NMNAT3: variants seen among roughly 807,000 people sequenced by gnomAD.
NMNAT3 encodes nicotinamide/nicotinic acid mononucleotide adenylyltransferase 3.
NMNAT3 carries 21 observed loss-of-function variants against 24.8 expected under a neutral mutation model. The ratio of observed to expected loss-of-function variants is 0.85; its 90% CI spans 0.60 to 1.22. NMNAT3 has a LOEUF of 1.22. Ranked by LOEUF, NMNAT3 falls within the 50% of genes most tolerant of loss-of-function variation. NMNAT3 has a pLI of 0.00. For missense variants in NMNAT3, 387 were observed against 436.6 expected (o/e 0.89, Z 1.01); for synonymous variants, 136 against 155.2 (o/e 0.88, Z 0.92).
intron 1 of NMNAT3, among the ~76,000 whole-genome samples, chr3:139,666,777 T>C (rs2057597287): frequency 6.6e-6 from 1 of 152,178 alleles, no homozygotes; most frequent in African/African-American, 2.4e-5. Flanking sequence ...GTTATGATCA[T>C]TCTACTCAAC....
intron 1 of NMNAT3, among the ~76,000 whole-genome samples, chr3:139,670,394 T>C (rs994052052): frequency 6.6e-6 from 1 of 152,212 alleles, no homozygotes; most frequent in African/African-American, 2.4e-5. Context: ...CTGCGCTGGC[T>C]CTGGAGATCC....
chr3:139,609,373 T>G (rs556027768), intron 3 of NMNAT3, among the ~76,000 whole-genome samples: 2 of 152,332 alleles, frequency 1.3e-5, no homozygotes, highest in South Asian at 2.1e-4. Flanking sequence ...GAGGTGCAGT[T>G]TCTCGGCATT....
chr3:139,642,966 C>T (rs1457964547), intron 1 of NMNAT3, among the ~76,000 whole-genome samples: 3 of 152,074 alleles, frequency 2.0e-5, no homozygotes, highest in Non-Finnish European at 2.9e-5. Context: ...TTAAATTTTG[C>T]CCCCCAACAC....
At chr3:139,613,798 T>G (rs914930010) in intron 3 of NMNAT3, among the ~76,000 whole-genome samples, 2 of 152,000 alleles carry the variant, frequency 1.3e-5, no homozygotes, top group African/African-American at 4.8e-5. Flanking sequence ...TGGAATACTA[T>G]GCAGCCATAA....
At position 139,660,778 on chromosome 3, in the gene NMNAT3, C is replaced by T. The variant is rs529277736; in HGVS notation, c.-141+16927G>A. Among the ~76,000 whole-genome samples the T allele has an allele frequency of 4.6e-5, 7 of 152,224 alleles. No individual in the cohort carries two copies. In the East Asian group the frequency reaches 5.8e-4, roughly 13 times the overall value. ...CACTCCAAGGGCTGCTCCTTTTCACCGGCTGGCTATTTTGATAAGGAAAAA... is the reference window on the plus strand; with the variant it reads ...CACTCCAAGGGCTGCTCCTTTTCACTGGCTGGCTATTTTGATAAGGAAAAA... On this transcript the variant is annotated intron_variant, in intron 1 of 6. Transcript: ENST00000643695.
At chr3:139,673,650 T>C (rs2057829982) in intron 1 of NMNAT3, among the ~76,000 whole-genome samples, 1 of 152,082 alleles carries the variant, frequency 6.6e-6, no homozygotes, top group African/African-American at 2.4e-5. Flanking sequence ...GCTATGTGTG[T>C]ATGTGCTTAA....
intron 1 of NMNAT3, among the ~76,000 whole-genome samples, chr3:139,666,750 A>G (rs1441825368): frequency 6.6e-6 from 1 of 151,772 alleles, no homozygotes; most frequent in Non-Finnish European, 1.5e-5. Flanking sequence ...CCCCTCCCCA[A>G]CCCTTGCTAC....
In NMNAT3 at chr3:139,561,377, T is replaced by C; in HGVS notation, c.674A>G (p.Lys225Arg). Residue 225 changes from lysine (K) to arginine (R), a missense_variant, in exon 7 of 7, where the codon AAG becomes AGG. Physicochemically the swap from Lys to Arg is conservative, Grantham distance 26. This residue lies in a region of NMNAT3 where 323 missense variants were observed against 345.2 expected (regional missense o/e 0.94). Coordinates refer to ENST00000643695, the MANE Select transcript of NMNAT3 (RefSeq NM_001320510.2). ...CAAGACGTCTGCCCCACAGAGAAGC[T>C]TCAGCTCAGGCACAGCTGCAAAAAC... 1.9e-6 allele frequency: 3 copies of C among 1,613,150 alleles called. No homozygotes were observed. Among genetic ancestry groups the C allele is most frequent in the Non-Finnish European group, 2.5e-6 (3 of 1,179,342 alleles).
chr3:139,608,881 C>T (rs1250201247), intron 3 of NMNAT3, among the ~76,000 whole-genome samples: 1 of 152,192 alleles, frequency 6.6e-6, no homozygotes. Flanking sequence ...TATAACCACA[C>T]CCACTTCTCT....
chr3:139,595,946 C>T (rs9821543), intron 3 of NMNAT3, among the ~76,000 whole-genome samples: 21,033 of 152,168 alleles, frequency 0.14, 1,896 homozygotes, highest in Non-Finnish European at 0.21. Context: ...GCAACAAAAG[C>T]CAAAATTGAC....
At position 139,560,873 on chromosome 3, in the gene NMNAT3, C is replaced by G. The variant is rs182018958; in HGVS notation, c.*137G>C. Reference sequence around the variant, plus strand: ...GTATCTCTTCCTGGGACAGAAGACTCCTCAGAAGTAGAATCACTGTAGAAA... The same window carrying G: ...GTATCTCTTCCTGGGACAGAAGACTGCTCAGAAGTAGAATCACTGTAGAAA... On this transcript the variant is annotated 3_prime_UTR_variant, in exon 7 of 7. Coordinates refer to ENST00000643695, the MANE Select transcript of NMNAT3 (RefSeq NM_001320510.2). The G allele has an allele frequency of 7.2e-6, 6 of 827,922 alleles. No individual in the cohort carries two copies. Among genetic ancestry groups the G allele is most frequent in the Admixed American group, 2.5e-5 (1 of 40,520 alleles). 51.3% of individuals were successfully genotyped at this position (827,922 alleles called of 1,614,324 possible). A position where few individuals can be genotyped will look rare whatever the true frequency, so the allele number is the denominator to read the frequency against.
intron 3 of NMNAT3, among the ~76,000 whole-genome samples, chr3:139,619,239 G>A (rs1272233967): frequency 6.6e-6 from 1 of 152,148 alleles, no homozygotes; most frequent in Admixed American, 6.5e-5. Flanking sequence ...TCTGTGGAAT[G>A]TTGAAAGGTG....
chr3:139,580,035 G>T (rs1939933302), intron 4 of NMNAT3, among the ~76,000 whole-genome samples: 1 of 152,056 alleles, frequency 6.6e-6, no homozygotes, highest in Non-Finnish European at 1.5e-5. Flanking sequence ...TTGTTTTTTA[G>T]GTAGTAAGAC....
At chr3:139,619,159 C>T (rs1027437012) in intron 3 of NMNAT3, among the ~76,000 whole-genome samples, 1 of 152,130 alleles carries the variant, frequency 6.6e-6, no homozygotes, top group Non-Finnish European at 1.5e-5. Context: ...GCTGTGTAAT[C>T]CTTTTGGGTA....
At chr3:139,607,374 A>AT (rs890462768) in intron 3 of NMNAT3, among the ~76,000 whole-genome samples, 1 of 152,162 alleles carries the variant, frequency 6.6e-6, no homozygotes, top group African/African-American at 2.4e-5. Context: ...ATCTACAATC[A>AT]TTTACTCAAT....
chr3:139,655,859 G>T (rs972793440), intron 1 of NMNAT3, among the ~76,000 whole-genome samples: 7 of 152,204 alleles, frequency 4.6e-5, no homozygotes, highest in African/African-American at 1.7e-4. Context: ...TGAGCTGGTA[G>T]CAGAATTGCT....
intron 3 of NMNAT3, among the ~76,000 whole-genome samples, chr3:139,604,421 T>C (rs2108229728): frequency 6.6e-6 from 1 of 152,288 alleles, no homozygotes; most frequent in East Asian, 1.9e-4. Context: ...TATATAAATG[T>C]ACAATAATAA....
Position 139,627,602 on chromosome 3 carries a change from GC to G in NMNAT3, c.109+13del. On this transcript the variant is annotated intron_variant, in intron 3 of 6. Transcript: ENST00000643695. ...CACCAGTTCTTCTGTTGGACTCAGG[GC>G]CCCCTGACTGACCTGTTTGGTGTAG... 1.3e-6 allele frequency: 2 copies of G among 1,513,168 alleles called. No individual in the cohort carries two copies. The highest frequency in any genetic ancestry group is 1.8e-6 in the Non-Finnish European group (2 of 1,121,198). 93.7% of individuals were successfully genotyped at this position (1,513,168 alleles called of 1,614,324 possible).
chr3:139,573,981 AAG>A (rs1239301872), intron 5 of NMNAT3, among the ~76,000 whole-genome samples: 1 of 152,220 alleles, frequency 6.6e-6, no homozygotes, highest in Non-Finnish European at 1.5e-5. Flanking sequence ...TCAAAAAAAA[AAG>A]GAGGCACTGC....
Sources: allele counts gnomAD v4.1 joint callset (sites outside exome capture counted in the v4.1 genomes callset), GRCh38; gene constraint gnomAD v4.1.1; regional missense constraint gnomAD v4.1.1; transcripts MANE v1.5; gene names NCBI Gene and HGNC (gene_info 2026-07-23, HGNC 2026-07-21).